XPR1: variants seen among roughly 807,000 people sequenced by gnomAD.
The protein encoded by XPR1 is solute carrier family 53 member 1.
Under a neutral mutation model 87.5 loss-of-function variants are expected in XPR1, and 28 were observed. The observed-to-expected ratio is 0.32, with a 90% CI of 0.24 to 0.44. XPR1 has a LOEUF of 0.44. Among genes scored for constraint, XPR1 ranks in the 20% least tolerant of loss-of-function variants. The pLI, the probability that XPR1 is intolerant of heterozygous loss-of-function variation, is 1.00. For missense variants in XPR1, 559 were observed against 862.3 expected (o/e 0.65, Z 4.41); for synonymous variants, 300 against 306.1 (o/e 0.98, Z 0.21).
In XPR1 at chr1:180,825,338, A is replaced by G. The variant is rs35706835; in HGVS notation, c.1128A>G (p.Lys376=). 48,037 of 1,611,560 alleles carry G rather than the reference A, an allele frequency of 0.03. 838 individuals carry two copies. The highest frequency in any genetic ancestry group is 0.049 in the Middle Eastern group (298 of 6,054). ...FYYKSRFWLL[K]LLFRVFTAPF... ...ATAAATCCCGGTTTTGGCTGCTTAA[A>G]CTGCTGGTAAGTCCAGAAACTTGTG... Residue 376 remains lysine (K), a synonymous_variant, in exon 9 of 15, where the codon AAA becomes AAG. Transcript: ENST00000367590.
rs1657120382 is a variant in XPR1, at chr1:180,695,166, A to G, written c.121+12755A>G. ...ATTAGTGATATTGAGCACTTTTTTC[A>G]TATACCTATTGGCCATTTGTATGTC... is the stretch of plus-strand genomic sequence containing the variant. On this transcript the variant is annotated intron_variant, in intron 2 of 14. Coordinates refer to ENST00000367590, the MANE Select transcript of XPR1 (RefSeq NM_004736.4). Among the ~76,000 whole-genome samples, 4 of 152,102 alleles carry G rather than the reference A, an allele frequency of 2.6e-5. No homozygotes were observed. The South Asian group carries it at 8.3e-4, about 32-fold the overall frequency.
intron 2 of XPR1, among the ~76,000 whole-genome samples, chr1:180,720,995 G>A (rs905752001): frequency 6.6e-6 from 1 of 152,136 alleles, no homozygotes; most frequent in Admixed American, 6.5e-5. Context: ...AGCACTTTGG[G>A]AGGCTGAAGC....
chr1:180,697,105 TC>T (rs1657198498), intron 2 of XPR1, among the ~76,000 whole-genome samples: 1 of 152,166 alleles, frequency 6.6e-6, no homozygotes, highest in Non-Finnish European at 1.5e-5. Flanking sequence ...AGCCATCCAA[TC>T]CTGGAATTTT....
intron 2 of XPR1, among the ~76,000 whole-genome samples, chr1:180,729,309 G>A (rs1658474576): frequency 1.3e-5 from 2 of 152,280 alleles, no homozygotes; most frequent in Middle Eastern, 3.4e-3. Flanking sequence ...ACATATGTGT[G>A]CATTTGTCTT....
At chr1:180,708,698 A>G (rs1182211097) in intron 2 of XPR1, among the ~76,000 whole-genome samples, 1 of 152,024 alleles carries the variant, frequency 6.6e-6, no homozygotes, top group African/African-American at 2.4e-5. Context: ...TATTTTTTGA[A>G]TGTTTTATTT....
intron 2 of XPR1, among the ~76,000 whole-genome samples, chr1:180,723,900 G>T (rs1289758062): frequency 6.6e-6 from 1 of 152,086 alleles, no homozygotes; most frequent in East Asian, 1.9e-4. Flanking sequence ...TTTGGATGTT[G>T]TATATGACCA....
At chr1:180,873,994 A>G (rs779985519) in intron 13 of XPR1, 52 bp downstream of exon 13, 3 of 1,508,380 alleles carry the variant, frequency 2.0e-6, no homozygotes, top group South Asian at 1.2e-5. Flanking sequence ...CCTAAAAGAC[A>G]CCCAATACTT....
intron 3 of XPR1, among the ~76,000 whole-genome samples, chr1:180,793,933 A>ATGTCTATGGTCATGAGTAACACAATT (rs1244939472): frequency 2.0e-5 from 3 of 152,056 alleles, no homozygotes; most frequent in Admixed American, 6.5e-5. Flanking sequence ...AGGATGAGGA[A>ATGTCTATGGTCATGAGTAACACAATT]TGTCTATGGT....
In XPR1 at chr1:180,884,002, C is replaced by G. The variant is rs758524681; in HGVS notation, c.2031-4C>G. 4 of 1,613,860 alleles carry G rather than the reference C, an allele frequency of 2.5e-6. No homozygotes were observed. The South Asian group carries it at 4.4e-5, about 18-fold the overall frequency. On this transcript the variant is annotated splice_region_variant and splice_polypyrimidine_tract_variant and intron_variant, in intron 14 of 14. Coordinates refer to ENST00000367590, the MANE Select transcript of XPR1 (RefSeq NM_004736.4). ...GTGCTTTTTGTCCCCCTTGTTACCA[C>G]TAGATCCAAGGCTCGTGACACTAAG...
chr1:180,650,723 A>G (rs1045842187), intron 1 of XPR1, among the ~76,000 whole-genome samples: 2 of 152,230 alleles, frequency 1.3e-5, no homozygotes, highest in Non-Finnish European at 2.9e-5. Flanking sequence ...CAGTAGAGAA[A>G]GTAGCTGAAA....
At chr1:180,661,411 C>T (rs1263536598) in intron 1 of XPR1, among the ~76,000 whole-genome samples, 3 of 151,182 alleles carry the variant, frequency 2.0e-5, no homozygotes, top group Non-Finnish European at 4.4e-5. Flanking sequence ...TCTCTTCCTT[C>T]TTTCCTTCCT....
rs1305234274 is a variant in XPR1, at chr1:180,714,895, T to C, written c.121+32484T>C. On this transcript the variant is annotated intron_variant, in intron 2 of 14. Coordinates refer to ENST00000367590, the MANE Select transcript of XPR1 (RefSeq NM_004736.4). ...TGCTGATATACAGTAGTATGCTATT[T>C]AGAATCAATTTAGTTTATTAGCTGG... Among the ~76,000 whole-genome samples, 8 of 152,310 alleles carry C rather than the reference T, an allele frequency of 5.3e-5. No individual in the cohort carries two copies. In the South Asian group the frequency reaches 1.0e-3, roughly 20 times the overall value.
In XPR1 at chr1:180,682,386, T is replaced by A. The variant is rs200431639; in HGVS notation, c.96T>A (p.Ala32=). ...CTTTCAAGGATATGCTGTATTCAGCTCAGGACCAGGCACCTTCTGTGGAAG... is the reference window on the plus strand; with the variant it reads ...CTTTCAAGGATATGCTGTATTCAGCACAGGACCAGGCACCTTCTGTGGAAG... ...YEAFKDMLYS[A]QDQAPSVEVT... is the part of the protein sequence containing the mutation. Residue 32 remains alanine (A), a synonymous_variant, in exon 2 of 15, where the codon GCT becomes GCA. Transcript: ENST00000367590. 1 of 1,603,786 alleles carries A rather than the reference T, an allele frequency of 6.2e-7. No individual in the cohort carries two copies. Among genetic ancestry groups the A allele is most frequent in the Non-Finnish European group, 8.5e-7 (1 of 1,174,826 alleles).
At chr1:180,691,548 A>G (rs1018861301) in intron 2 of XPR1, among the ~76,000 whole-genome samples, 2 of 152,152 alleles carry the variant, frequency 1.3e-5, no homozygotes, top group Admixed American at 6.6e-5. Context: ...AGATAAGGAC[A>G]TAAGTAACTG....
intron 2 of XPR1, among the ~76,000 whole-genome samples, chr1:180,695,878 C>G (rs989776735): frequency 2.0e-4 from 31 of 151,954 alleles, no homozygotes; most frequent in African/African-American, 7.0e-4. Context: ...GCCTTCAGCT[C>G]TGTTCTTTTT....
Position 180,656,196 on chromosome 1 carries a change from C to T in XPR1, c.69+23926C>T, listed in dbSNP as rs186062240. Among the ~76,000 whole-genome samples the T allele has an allele frequency of 7.4e-3, 1,092 of 148,428 alleles. 11 individuals are homozygous for T. The highest frequency in any genetic ancestry group is 0.025 in the African/African-American group (1,000 of 40,356). Reference sequence around the variant, plus strand: ...GCTTCCACAAATAAGTGAGAAGATGCAAAGTTTGTCTTTCTGTGCCTGGCC... The same window carrying T: ...GCTTCCACAAATAAGTGAGAAGATGTAAAGTTTGTCTTTCTGTGCCTGGCC... On this transcript the variant is annotated intron_variant, in intron 1 of 14. Transcript: ENST00000367590.
intron 2 of XPR1, among the ~76,000 whole-genome samples, chr1:180,693,080 C>G (rs953490173): frequency 1.8e-4 from 28 of 151,984 alleles, no homozygotes; most frequent in African/African-American, 6.8e-4. Flanking sequence ...AATCATGGAA[C>G]AAAAAAGTTC....
intron 2 of XPR1, among the ~76,000 whole-genome samples, chr1:180,718,668 T>TG (rs1658077964): frequency 7.7e-6 from 1 of 129,838 alleles, no homozygotes; most frequent in African/African-American, 2.8e-5. Flanking sequence ...TGAGCATCTG[T>TG]ATTTTTTTTT....
intron 1 of XPR1, among the ~76,000 whole-genome samples, chr1:180,656,921 CT>C (rs1655552418): frequency 6.6e-6 from 1 of 151,564 alleles, no homozygotes; most frequent in Non-Finnish European, 1.5e-5. Context: ...CCAGACTGTT[CT>C]CCATAGTGGA....
Sources: gnomAD v4.1 joint callset for allele counts (sites outside exome capture counted in the v4.1 genomes callset) on GRCh38, gnomAD v4.1.1 for gene constraint, MANE v1.5 for transcripts, NCBI Gene and HGNC (gene_info 2026-07-23, HGNC 2026-07-21) for gene names.